RBMS3: variants seen among roughly 807,000 people sequenced by gnomAD.
The protein encoded by RBMS3 is RNA-binding motif, single-stranded-interacting protein 3.
Under a neutral mutation model 66.8 loss-of-function variants are expected in RBMS3, and 27 were observed. The observed-to-expected ratio is 0.40, with a 90% CI of 0.30 to 0.56. The LOEUF (loss-of-function observed/expected upper bound fraction) is 0.56. RBMS3 is among the 20% of genes least tolerant of loss of function. The pLI is 0.40. For missense variants in RBMS3, 513 were observed against 549.5 expected (o/e 0.93, Z 0.66); for synonymous variants, 188 against 183.0 (o/e 1.03, Z -0.22).
At chr3:29,975,421 T>C (rs1577294935) in intron 12 of RBMS3, among the ~76,000 whole-genome samples, 1 of 151,878 alleles carries the variant, frequency 6.6e-6, no homozygotes, top group South Asian at 2.1e-4. Flanking sequence ...CAACACTTGG[T>C]ATTGTGAGCC....
At chr3:29,384,509 T>C (rs1212358386) in intron 1 of RBMS3, among the ~76,000 whole-genome samples, 1 of 151,498 alleles carries the variant, frequency 6.6e-6, no homozygotes, top group East Asian at 1.9e-4. Context: ...TCTGACATGA[T>C]TTGAAAAAGA....
intron 1 of RBMS3, among the ~76,000 whole-genome samples, chr3:29,366,403 T>G (rs975219408): frequency 4.6e-5 from 7 of 152,156 alleles, no homozygotes; most frequent in African/African-American, 1.7e-4. Context: ...TTGTTTGTTT[T>G]TTAAACAGGG....
intron 10 of RBMS3, among the ~76,000 whole-genome samples, chr3:29,929,727 G>T (rs1190388928): frequency 6.6e-6 from 1 of 152,092 alleles, no homozygotes; most frequent in Non-Finnish European, 1.5e-5. Context: ...CTATGTACAT[G>T]TACATATCTC....
At chr3:29,286,255 GA>G (rs745315052) in intron 1 of RBMS3, among the ~76,000 whole-genome samples, 2 of 151,946 alleles carry the variant, frequency 1.3e-5, no homozygotes, top group Non-Finnish European at 2.9e-5. Context: ...TTTCAAATAA[GA>G]GGAAAATAGA....
chr3:29,517,096 C>G (rs1429290416), intron 3 of RBMS3, among the ~76,000 whole-genome samples: 1 of 151,744 alleles, frequency 6.6e-6, no homozygotes, highest in South Asian at 2.1e-4. Context: ...TGTCTGTCGC[C>G]CAGCTACCCA....
At chr3:29,792,191 G>A (rs1160470156) in intron 6 of RBMS3, among the ~76,000 whole-genome samples, 1 of 152,058 alleles carries the variant, frequency 6.6e-6, no homozygotes, top group Admixed American at 6.6e-5. Flanking sequence ...AGTGACATAG[G>A]GTTAAAAAGG....
In RBMS3 at chr3:29,944,239, C is replaced by A; in HGVS notation, c.1083C>A (p.His361Gln). The change falls in exon 12 of 15, where the codon CAC (histidine) becomes CAA (glutamine). Residue 361 changes from histidine (H) to glutamine (Q), a missense_variant. Transcript: ENST00000383767. ...CCCAAGACAGGATTATGATACTCCA[C>A]CAGCTGTTGTGTCAGGTAGGAAAAT... ...IQSQDRIMIL[H>Q]QLLCQYMTAA... The A allele has an allele frequency of 6.3e-7, 1 of 1,592,484 alleles. No homozygotes were observed. Among genetic ancestry groups the A allele is most frequent in the Non-Finnish European group, 8.6e-7 (1 of 1,161,230 alleles).
At chr3:29,630,678 C>G (rs948124207) in intron 4 of RBMS3, among the ~76,000 whole-genome samples, 9 of 151,970 alleles carry the variant, frequency 5.9e-5, no homozygotes, top group Admixed American at 2.6e-4. Context: ...TAAGCCCCAT[C>G]CCAGGCCTTT....
At chr3:29,431,940 C>G (rs1161609094) in intron 1 of RBMS3, among the ~76,000 whole-genome samples, 2 of 152,002 alleles carry the variant, frequency 1.3e-5, no homozygotes, top group African/African-American at 2.4e-5. Flanking sequence ...GTTGTCCAGA[C>G]TGGTCTCGAG....
chr3:29,450,917 A>ACCC (rs1256125287), intron 2 of RBMS3, among the ~76,000 whole-genome samples: 3 of 120,206 alleles, frequency 2.5e-5, no homozygotes, highest in Non-Finnish European at 5.7e-5. Context: ...ACACACACAC[A>ACCC]CACACACACA....
chr3:30,002,532 A>G (rs111929449), intron 14 of RBMS3, among the ~76,000 whole-genome samples: 2,443 of 152,142 alleles, frequency 0.016, 35 homozygotes, highest in African/African-American at 0.032. Context: ...GGTTCCCATG[A>G]CTACCACTAA....
chr3:29,511,877 C>A (rs1405334882), intron 3 of RBMS3, among the ~76,000 whole-genome samples: 2 of 152,126 alleles, frequency 1.3e-5, no homozygotes, highest in African/African-American at 4.8e-5. Context: ...TGTTCATATT[C>A]AGAGCCACTT....
intron 3 of RBMS3, among the ~76,000 whole-genome samples, chr3:29,500,566 C>G (rs190210940): frequency 1.3e-5 from 2 of 151,688 alleles, no homozygotes; most frequent in East Asian, 1.9e-4. Context: ...TTTACTGTAC[C>G]TTTTCTATGT....
At chr3:29,505,547 A>G (rs1220758153) in intron 3 of RBMS3, among the ~76,000 whole-genome samples, 1 of 149,698 alleles carries the variant, frequency 6.7e-6, no homozygotes, top group Non-Finnish European at 1.5e-5. Context: ...TTTACTCAAG[A>G]TAGCTTTGGC....
At chr3:29,815,379 T>G (rs1014675375) in intron 6 of RBMS3, among the ~76,000 whole-genome samples, 3 of 152,186 alleles carry the variant, frequency 2.0e-5, no homozygotes, top group Admixed American at 1.3e-4. Flanking sequence ...TATATCTCAT[T>G]TTATTTTCTC....
At chr3:29,794,924 A>G (rs2057132597) in intron 6 of RBMS3, among the ~76,000 whole-genome samples, 2 of 152,202 alleles carry the variant, frequency 1.3e-5, no homozygotes, top group African/African-American at 2.4e-5. Flanking sequence ...TTTAAAAAGC[A>G]TGTATCTTAT....
Position 29,281,652 on chromosome 3 carries a change from C to G in RBMS3, c.-30C>G. 6.3e-7 allele frequency: 1 copy of G among 1,594,174 alleles called. No individual in the cohort carries two copies. Among genetic ancestry groups the G allele is most frequent in the Non-Finnish European group, 8.6e-7 (1 of 1,162,122 alleles). ...GGGCACTATACCCTGTCATCCAGTTCCCTGCCTCGGAGATAAAGATTCCAG... is the reference window on the plus strand; with the variant it reads ...GGGCACTATACCCTGTCATCCAGTTGCCTGCCTCGGAGATAAAGATTCCAG... On this transcript the variant is annotated 5_prime_UTR_variant, in exon 1 of 15. Transcript: ENST00000383767.
At chr3:29,300,435 GA>G (rs1464496803) in intron 1 of RBMS3, among the ~76,000 whole-genome samples, 1 of 151,896 alleles carries the variant, frequency 6.6e-6, no homozygotes, top group East Asian at 1.9e-4. Context: ...TAGATTAAAT[GA>G]ATGACGTTTT....
At chr3:29,884,655 G>A (rs1038684260) in intron 8 of RBMS3, among the ~76,000 whole-genome samples, 3 of 151,746 alleles carry the variant, frequency 2.0e-5, no homozygotes, top group African/African-American at 7.3e-5. Flanking sequence ...GGTAACTCAG[G>A]TGATTGCATC....
Sources: gnomAD v4.1 joint callset for allele counts (sites outside exome capture counted in the v4.1 genomes callset) on GRCh38, gnomAD v4.1.1 for gene constraint, MANE v1.5 for transcripts, NCBI Gene and HGNC (gene_info 2026-07-23, HGNC 2026-07-21) for gene names.